Variants in ZNF681 observed in about 807,000 individuals in gnomAD.
ZNF681 encodes zinc finger protein 681, also known as hypothetical protein FLJ31526.
ZNF681 carries 37 observed loss-of-function variants against 56.0 expected under a neutral mutation model. The ratio of observed to expected loss-of-function variants is 0.66; its 90% CI spans 0.51 to 0.87. The LOEUF is 0.87. Among genes scored for constraint, ZNF681 ranks in the 40% least tolerant of loss-of-function variants. The pLI, the probability that ZNF681 is intolerant of heterozygous loss-of-function variation, is 0.00. For synonymous variants in ZNF681, 225 were observed against 248.6 expected (o/e 0.91, Z 0.89); for missense variants, 741 against 744.9 (o/e 0.99, Z 0.06).
chr19:23,739,229 A>T lies in ZNF681; in HGVS notation c.*4383T>A, dbSNP rs148570462. The T allele has an allele frequency of 5.5e-4, 83 of 152,254 alleles. 2 individuals are homozygous for T. In the East Asian group the frequency reaches 0.015, roughly 28 times the overall value. 9.4% of individuals were successfully genotyped at this position (152,254 alleles called of 1,614,324 possible). On this transcript the variant is annotated 3_prime_UTR_variant, in exon 4 of 4. Coordinates refer to ENST00000402377, the MANE Select transcript of ZNF681 (RefSeq NM_138286.3). Reference sequence around the variant, plus strand: ...AAAATAAAAAAATTTATTATTTTCAATTACATAGATTAACCAAATTATTTC... The same window carrying T: ...AAAATAAAAAAATTTATTATTTTCATTTACATAGATTAACCAAATTATTTC...
At position 23,754,833 on chromosome 19, in the gene ZNF681, G is replaced by C. The variant is rs372111244; in HGVS notation, c.216C>G (p.Ala72=). 1.9e-6 allele frequency: 3 copies of C among 1,613,754 alleles called. No homozygotes were observed. The highest frequency in any genetic ancestry group is 2.5e-6 in the Non-Finnish European group (3 of 1,179,908). Reference sequence around the variant, plus strand: ...TTCACTCTCACCTACCTGGGGGTTCGGCCACCATCCTATGTCTCTTTCTAG... The same window carrying C: ...TTCACTCTCACCTACCTGGGGGTTCCGCCACCATCCTATGTCTCTTTCTAG... ...PWTRKRHRMV[A]EPPVICSHFA... Residue 72 remains alanine (A), a synonymous_variant, in exon 3 of 4, where the codon GCC becomes GCG. Coordinates refer to ENST00000402377, the MANE Select transcript of ZNF681 (RefSeq NM_138286.3).
chr19:23,754,682 G>C, intron 3 of ZNF681, 141 bp downstream of exon 3: 1 of 752,484 alleles, frequency 1.3e-6, no homozygotes, highest in Non-Finnish European at 2.2e-6. Flanking sequence ...AAAAAGAAAA[G>C]AAAAGAAAAA....
chr19:23,747,617 G>A (rs1363686015), intron 3 of ZNF681, among the ~76,000 whole-genome samples: 4 of 141,876 alleles, frequency 2.8e-5, no homozygotes, highest in Non-Finnish European at 4.5e-5. Context: ...TCCAGCCTGG[G>A]CGAGAGAGCA....
Position 23,743,952 on chromosome 19 carries a change from G to A in ZNF681, c.1598C>T (p.Pro533Leu). The A allele has an allele frequency of 1.2e-6, 2 of 1,612,642 alleles. No homozygotes were observed. Among genetic ancestry groups the A allele is most frequent in the South Asian group, 2.2e-5 (2 of 91,044 alleles). Residue 533 changes from proline to leucine, a missense_variant, in exon 4 of 4, where the codon CCC (proline) becomes CTC (leucine). Pro to Leu is a moderately conservative substitution (Grantham distance 98). Transcript: ENST00000402377. ...EHKKIHTGEK[P>L]YTCEECGKAF... ...TTTGCCACATTCTTCACATGTGTAG[G>A]GTTTCTCTCCAGTATGAATTTTCTT...
rs1371272848 is a variant in ZNF681, at chr19:23,742,700, A to C, written c.*912T>G. 6.8e-6 allele frequency: 1 copy of C among 146,710 alleles called. No homozygotes were observed. The highest frequency in any genetic ancestry group is 1.5e-5 in the Non-Finnish European group (1 of 67,130). 9.1% of individuals were successfully genotyped at this position (146,710 alleles called of 1,614,324 possible). A position where few individuals can be genotyped will look rare whatever the true frequency, so the allele number is the denominator to read the frequency against. ...CTAAAAAAGGTCGTAAATAATGCAC[A>C]CCTAATAACAAAGAATCTCTCATCT... On this transcript the variant is annotated 3_prime_UTR_variant, in exon 4 of 4. Transcript: ENST00000402377.
intron 3 of ZNF681, among the ~76,000 whole-genome samples, chr19:23,754,485 G>A (rs1488569275): frequency 3.3e-4 from 2 of 6,040 alleles, no homozygotes; most frequent in Non-Finnish European, 0.037. Flanking sequence ...CCAACACATA[G>A]TGAAACCGTC....
intron 3 of ZNF681, among the ~76,000 whole-genome samples, chr19:23,753,449 T>C (rs1376304973): frequency 1.3e-5 from 2 of 152,308 alleles, no homozygotes; most frequent in African/African-American, 4.8e-5. Context: ...TGAGAAGAAA[T>C]TTAATCAAAG....
intron 3 of ZNF681, among the ~76,000 whole-genome samples, chr19:23,750,023 G>A (rs4468753): frequency 0.41 from 61,050 of 150,572 alleles, 12,797 homozygotes; most frequent in South Asian, 0.58. Context: ...CGTGGCTCAC[G>A]CCTGTAATCT....
intron 3 of ZNF681, among the ~76,000 whole-genome samples, chr19:23,752,575 G>C (rs550126285): frequency 3.2e-4 from 2 of 6,246 alleles, no homozygotes; most frequent in Non-Finnish European, 0.018. Flanking sequence ...TCAAAGTCTT[G>C]AGAGAAATTC....
rs1051802816 is a variant in ZNF681, at chr19:23,741,503, G to A, written c.*2109C>T. The A allele has an allele frequency of 6.6e-6, 1 of 150,616 alleles. No individual in the cohort carries two copies. Among genetic ancestry groups the A allele is most frequent in the Non-Finnish European group, 1.5e-5 (1 of 67,864 alleles). 9.3% of individuals were successfully genotyped at this position (150,616 alleles called of 1,614,324 possible). On this transcript the variant is annotated 3_prime_UTR_variant, in exon 4 of 4. Transcript: ENST00000402377. ...CCGAGGGGGCTAATCATGGGGTCAG[G>A]AGTTCAAGACAAACCTGGCCAACGT...
intron 1 of ZNF681, among the ~76,000 whole-genome samples, chr19:23,757,827 A>C (rs1969145871): frequency 6.6e-6 from 1 of 152,048 alleles, no homozygotes; most frequent in South Asian, 2.1e-4. Context: ...GGGTATTTCC[A>C]GTTCTGTTTT....
At chr19:23,751,377 G>A (rs1357627838) in intron 3 of ZNF681, among the ~76,000 whole-genome samples, 1 of 150,716 alleles carries the variant, frequency 6.6e-6, no homozygotes, top group Middle Eastern at 3.3e-3. Context: ...TCGGGAGGCT[G>A]AGGCAGCAGA....
intron 3 of ZNF681, among the ~76,000 whole-genome samples, chr19:23,754,580 C>T (rs935595124): frequency 2.0e-5 from 3 of 152,146 alleles, no homozygotes; most frequent in African/African-American, 4.8e-5. Context: ...ACAGGAGAAT[C>T]GCTTGAACCT....
rs1968926720 is a variant in ZNF681, at chr19:23,745,121, T to C, written c.429A>G (p.Gln143=). The C allele has an allele frequency of 6.2e-6, 10 of 1,610,900 alleles. No individual in the cohort carries two copies. Among genetic ancestry groups the C allele is most frequent in the Admixed American group, 3.4e-5 (2 of 59,580 alleles). ...CLPTTQSKIF[Q]CDKYMKIFHK... ...GAAAGATTTTCATATATTTATCACA[T>C]TGAAATATTTTGCTCTGGGTAGTTG... Residue 143 remains glutamine, a synonymous_variant, in exon 4 of 4, where the codon CAA becomes CAG. Coordinates refer to ENST00000402377, the MANE Select transcript of ZNF681 (RefSeq NM_138286.3).
chr19:23,743,953 G>T lies in ZNF681; in HGVS notation c.1597C>A (p.Pro533Thr). ...EHKKIHTGEK[P>T]YTCEECGKAF... ...TTGCCACATTCTTCACATGTGTAGG[G>T]TTTCTCTCCAGTATGAATTTTCTTA... The change falls in exon 4 of 4, where the codon CCC becomes ACC. Residue 533 changes from proline (P) to threonine (T), a missense_variant. Pro to Thr is a conservative substitution (Grantham distance 38). Transcript: ENST00000402377. The T allele has an allele frequency of 1.2e-6, 2 of 1,612,810 alleles. No individual in the cohort carries two copies. Among genetic ancestry groups the T allele is most frequent in the Non-Finnish European group, 1.7e-6 (2 of 1,179,834 alleles).
Position 23,741,500 on chromosome 19 carries a change from C to T in ZNF681, c.*2112G>A, listed in dbSNP as rs1382410654. The T allele has an allele frequency of 6.6e-6, 1 of 151,292 alleles. No individual in the cohort carries two copies. The highest frequency in any genetic ancestry group is 2.4e-5 in the African/African-American group (1 of 41,106). 9.4% of individuals were successfully genotyped at this position (151,292 alleles called of 1,614,324 possible). ...AGGCCGAGGGGGCTAATCATGGGGT[C>T]AGGAGTTCAAGACAAACCTGGCCAA... On this transcript the variant is annotated 3_prime_UTR_variant, in exon 4 of 4. Coordinates refer to ENST00000402377, the MANE Select transcript of ZNF681 (RefSeq NM_138286.3).
rs1268611826 is a variant in ZNF681, at chr19:23,740,089, A to G, written c.*3523T>C. The G allele has an allele frequency of 6.6e-6, 1 of 152,190 alleles. No individual in the cohort carries two copies. Among genetic ancestry groups the G allele is most frequent in the Non-Finnish European group, 1.5e-5 (1 of 68,020 alleles). The allele number at this position is 152,190 out of a possible 1,614,324, so 9.4% of individuals were successfully genotyped here. On this transcript the variant is annotated 3_prime_UTR_variant, in exon 4 of 4. Transcript: ENST00000402377. ...CTTTGTGTAAGAATTTAATAAGATT[A>G]TTCTTTAACAAACAGAGAAAAACAA...
chr19:23,746,565 G>A (rs1312010607), intron 3 of ZNF681, among the ~76,000 whole-genome samples: 1 of 152,124 alleles, frequency 6.6e-6, no homozygotes, highest in African/African-American at 2.4e-5. Flanking sequence ...AGAGGGTAAA[G>A]TTTTTGATTA....
intron 3 of ZNF681, among the ~76,000 whole-genome samples, chr19:23,753,900 C>T (rs984401435): frequency 6.9e-6 from 1 of 145,182 alleles, no homozygotes. Context: ...TCAAAATGAT[C>T]TATAGATTCA....
Sources: allele counts gnomAD v4.1 joint callset (sites outside exome capture counted in the v4.1 genomes callset), GRCh38; gene constraint gnomAD v4.1.1; transcripts MANE v1.5; gene names NCBI Gene and HGNC (gene_info 2026-07-23, HGNC 2026-07-21).